Variants in ASXL1 observed in about 807,000 individuals in gnomAD.
The protein encoded by ASXL1 is ASXL transcriptional regulator 1, also known as polycomb group protein ASXL1.
ASXL1 carries 65 observed loss-of-function variants against 89.1 expected under a neutral mutation model. That is an observed-to-expected ratio of 0.73 (90% CI 0.60 to 0.90). The LOEUF (loss-of-function observed/expected upper bound fraction) is 0.90, where lower values mean the gene tolerates loss of function less well. ASXL1 is among the 40% of genes least tolerant of loss of function. The probability of loss-of-function intolerance (pLI) is 0.00; values close to 1 mark genes in which losing one functional copy is unlikely to be tolerated. For synonymous variants in ASXL1, 739 were observed against 746.9 expected (o/e 0.99, Z 0.17); for missense variants, 1,786 against 1,942.9 (o/e 0.92, Z 1.52).
chr20:32,422,513 A>G (rs1403919972), intron 4 of ASXL1, among the ~76,000 whole-genome samples: 1 of 143,202 alleles, frequency 7.0e-6, no homozygotes, highest in African/African-American at 2.6e-5. Context: ...AGTAGATCTT[A>G]ATTGTCTTCA....
At chr20:32,364,057 A>G (rs1397111447) in intron 1 of ASXL1, among the ~76,000 whole-genome samples, 1 of 152,152 alleles carries the variant, frequency 6.6e-6, no homozygotes. Flanking sequence ...AAGAGAACCT[A>G]GGTTCAGGTT....
chr20:32,409,963 G>A (rs1187876885), intron 4 of ASXL1, among the ~76,000 whole-genome samples: 4 of 151,986 alleles, frequency 2.6e-5, no homozygotes, highest in Admixed American at 2.0e-4. Context: ...TGTATTAATA[G>A]TAAGTTCTCC....
chr20:32,413,791 A>G (rs1222700596), intron 4 of ASXL1, among the ~76,000 whole-genome samples: 1 of 152,192 alleles, frequency 6.6e-6, no homozygotes, highest in African/African-American at 2.4e-5. Flanking sequence ...TTCTCCTGGT[A>G]TGTCCTGCCT....
At position 32,428,433 on chromosome 20, in the gene ASXL1, G is replaced by T; in HGVS notation, c.471+11G>T. On this transcript the variant is annotated intron_variant, in intron 6 of 12. Transcript: ENST00000375687. ...AGAGCTTCCTCACAGGTAAGGAAGA[G>T]GTAGAGCCTAGCCTGGGAGGATGAA... 1 of 1,598,340 alleles carries T rather than the reference G, an allele frequency of 6.3e-7. No individual in the cohort carries two copies. The highest frequency in any genetic ancestry group is 1.1e-5 in the South Asian group (1 of 90,730).
At chr20:32,366,929 G>A (rs1312195840) in intron 2 of ASXL1, among the ~76,000 whole-genome samples, 1 of 152,120 alleles carries the variant, frequency 6.6e-6, no homozygotes, top group African/African-American at 2.4e-5. Flanking sequence ...TATATGATGT[G>A]AATTTACTAA....
At chr20:32,385,373 CT>C (rs2048562014) in intron 4 of ASXL1, among the ~76,000 whole-genome samples, 1 of 152,140 alleles carries the variant, frequency 6.6e-6, no homozygotes, top group East Asian at 1.9e-4. Flanking sequence ...GCTCAAGGAT[CT>C]GGAGGAATAG....
At position 32,386,226 on chromosome 20, in the gene ASXL1, A is replaced by G. The variant is rs76514161; in HGVS notation, c.252+17103A>G. On this transcript the variant is annotated intron_variant, in intron 4 of 12. Coordinates refer to ENST00000375687, the MANE Select transcript of ASXL1 (RefSeq NM_015338.6). ...TTGAATAAAGGCAGTGGAAAAACAC[A>G]TAGAAGAGGTGCTGTGGCAGCAGTT... 2.4e-3 allele frequency among the ~76,000 whole-genome samples: 371 copies of G among 152,344 alleles called. 14 individuals carry two copies. The East Asian group carries it at 0.066, about 27-fold the overall frequency.
intron 3 of ASXL1, among the ~76,000 whole-genome samples, chr20:32,368,503 G>A (rs2048242214): frequency 1.3e-5 from 2 of 152,052 alleles, no homozygotes; most frequent in Non-Finnish European, 2.9e-5. Context: ...ATGAAATACT[G>A]TTCTTTTTGT....
At position 32,437,315 on chromosome 20, in the gene ASXL1, G is replaced by A. The variant is rs886056603; in HGVS notation, c.4603G>A (p.Val1535Ile). ...CTGTATTGGACCCTCAAAGCTCTGT[G>A]TATTGTGCCTTGTGGTGAGATAATA... Reference protein sequence around the residue: ...DDCIGPSKLCVLCLVVR With the variant: ...DDCIGPSKLCILCLVVR The change falls in exon 13 of 13, where the codon GTA becomes ATA. Residue 1535 changes from valine to isoleucine, a missense_variant. Physicochemically the swap from Val to Ile is conservative, Grantham distance 29. Coordinates refer to ENST00000375687, the MANE Select transcript of ASXL1 (RefSeq NM_015338.6). The A allele has an allele frequency of 1.2e-5, 20 of 1,614,002 alleles. No homozygotes were observed. Among genetic ancestry groups the A allele is most frequent in the Non-Finnish European group, 4.2e-6 (5 of 1,180,048 alleles).
chr20:32,404,943 G>T (rs1042692904), intron 4 of ASXL1, among the ~76,000 whole-genome samples: 2 of 152,206 alleles, frequency 1.3e-5, no homozygotes, highest in South Asian at 2.1e-4. Flanking sequence ...CCTTGATGAT[G>T]AATTCCTTTT....
chr20:32,389,044 C>T (rs760001091), intron 4 of ASXL1, among the ~76,000 whole-genome samples: 62 of 152,142 alleles, frequency 4.1e-4, no homozygotes, highest in South Asian at 8.3e-4. Context: ...GAGTATACAC[C>T]CTTTTGGAGC....
chr20:32,360,474 C>T (rs533315109), intron 1 of ASXL1: 1 of 152,432 alleles, frequency 6.6e-6, no homozygotes, highest in South Asian at 2.1e-4. Context: ...TTCTCCTCCT[C>T]GACAATGAGT....
At chr20:32,370,703 T>G (rs932551885) in intron 4 of ASXL1, among the ~76,000 whole-genome samples, 1 of 152,186 alleles carries the variant, frequency 6.6e-6, no homozygotes, top group Admixed American at 6.5e-5. Context: ...CCATAAAACT[T>G]GGTCTTTATA....
At chr20:32,411,655 C>A (rs926605234) in intron 4 of ASXL1, among the ~76,000 whole-genome samples, 2 of 151,560 alleles carry the variant, frequency 1.3e-5, no homozygotes, top group East Asian at 1.9e-4. Flanking sequence ...GATTCTCCTG[C>A]CTCAGCCTCA....
In ASXL1 at chr20:32,435,327, G is replaced by A. The variant is rs1569332530; in HGVS notation, c.2615G>A (p.Cys872Tyr). 6.2e-7 allele frequency: 1 copy of A among 1,614,162 alleles called. No individual in the cohort carries two copies. The highest frequency in any genetic ancestry group is 1.7e-5 in the Admixed American group (1 of 60,016). The change falls in exon 13 of 13, where the codon TGC (cysteine) becomes TAC (tyrosine). Residue 872 changes from cysteine (C) to tyrosine (Y), a missense_variant. Physicochemically the swap from Cys to Tyr is radical, Grantham distance 194. Around this residue, in one of 3 missense-constraint regions of ASXL1, gnomAD observed 1,418 missense variants for 1,427.8 expected, o/e 0.99. Transcript: ENST00000375687. ...FDDELGLGGS[C>Y]PPMRESDTRQ... ...GACGAATTAGGGCTTGGTGGCTCATGCCCTCCTATGAGGGAAAGTGATACT... is the reference window on the plus strand; with the variant it reads ...GACGAATTAGGGCTTGGTGGCTCATACCCTCCTATGAGGGAAAGTGATACT...
chr20:32,424,641 T>TA (rs1235903605), intron 4 of ASXL1, among the ~76,000 whole-genome samples: 1 of 152,230 alleles, frequency 6.6e-6, no homozygotes, highest in Non-Finnish European at 1.5e-5. Context: ...TTTCATTTTT[T>TA]AAAAAAGATG....
chr20:32,420,139 T>C (rs2049216545), intron 4 of ASXL1, among the ~76,000 whole-genome samples: 1 of 152,140 alleles, frequency 6.6e-6, no homozygotes, highest in South Asian at 2.1e-4. Flanking sequence ...AATTATGCTA[T>C]CTGGAAATTA....
At position 32,399,747 on chromosome 20, in the gene ASXL1, CTTTT is replaced by C. The variant is rs369127811; in HGVS notation, c.253-28353_253-28350del. Among the ~76,000 whole-genome samples, 154 of 73,858 alleles carry C rather than the reference CTTTT, an allele frequency of 2.1e-3. 1 individual carries two copies. The highest frequency in any genetic ancestry group is 2.6e-3 in the Non-Finnish European group (108 of 41,234). 48.5% of individuals were successfully genotyped at this position (73,858 alleles called of 152,430 possible). ...TTTTAAAAATCTCACATATTTTACTCTTTTTTTTTTTTTTTTTTTTTTTTTTTTT... is the reference window on the plus strand; with the variant it reads ...TTTTAAAAATCTCACATATTTTACTCTTTTTTTTTTTTTTTTTTTTTTTTT... On this transcript the variant is annotated intron_variant, in intron 4 of 12. Transcript: ENST00000375687.
intron 4 of ASXL1, among the ~76,000 whole-genome samples, chr20:32,404,586 T>C (rs548509013): frequency 6.6e-6 from 1 of 152,318 alleles, no homozygotes; most frequent in East Asian, 1.9e-4. Flanking sequence ...CATCTGTTAA[T>C]AGGGCCGGTT....
Sources: gnomAD v4.1 joint callset for allele counts (sites outside exome capture counted in the v4.1 genomes callset) on GRCh38, gnomAD v4.1.1 for gene constraint, gnomAD v4.1.1 regional missense constraint, MANE v1.5 for transcripts, NCBI Gene and HGNC (gene_info 2026-07-23, HGNC 2026-07-21) for gene names.